Variants in WDR72 observed in about 807,000 individuals in gnomAD.
The protein encoded by WDR72 is WD repeat-containing protein 72.
Under a neutral mutation model 124.2 loss-of-function variants are expected in WDR72, and 120 were observed. The ratio of observed to expected loss-of-function variants is 0.97; its 90% CI spans 0.83 to 1.12. The LOEUF is 1.12. Among genes scored for constraint, WDR72 ranks in the 50% most tolerant of loss-of-function variants. The pLI is 0.00. For synonymous variants in WDR72, 452 were observed against 441.7 expected (o/e 1.02, Z -0.29); for missense variants, 1,387 against 1,278.8 (o/e 1.08, Z -1.29).
chr15:53,678,190 G>C (rs1324253565), intron 13 of WDR72, among the ~76,000 whole-genome samples: 2 of 152,242 alleles, frequency 1.3e-5, no homozygotes, highest in African/African-American at 2.4e-5. Context: ...TAAAAGATTA[G>C]GAACATCCCA....
intron 1 of WDR72, among the ~76,000 whole-genome samples, chr15:53,753,997 G>A (rs988543445): frequency 5.9e-5 from 9 of 152,090 alleles, no homozygotes; most frequent in Admixed American, 3.9e-4. Flanking sequence ...AATTCATAAT[G>A]ATGACATCAT....
At chr15:53,648,578 T>C (rs1567003681) in intron 14 of WDR72, among the ~76,000 whole-genome samples, 1 of 151,874 alleles carries the variant, frequency 6.6e-6, no homozygotes, top group African/African-American at 2.4e-5. Context: ...AAGGACAAAT[T>C]TTTTTTAAAA....
In WDR72 at chr15:53,707,009, C is replaced by A. The variant is rs557863008; in HGVS notation, c.955-935G>T. Among the ~76,000 whole-genome samples, 15 of 152,132 alleles carry A rather than the reference C, an allele frequency of 9.9e-5. No homozygotes were observed. In the South Asian group the frequency reaches 2.9e-3, roughly 30 times the overall value. ...CAGGGCAGTATAGCTGTTCTTCGGGCAGGTTTGTATATAGAGATTATGCAT... is the reference window on the plus strand; with the variant it reads ...CAGGGCAGTATAGCTGTTCTTCGGGAAGGTTTGTATATAGAGATTATGCAT... On this transcript the variant is annotated intron_variant, in intron 9 of 19. Coordinates refer to ENST00000360509, the MANE Select transcript of WDR72 (RefSeq NM_182758.4).
rs762467620 is a variant in WDR72 at position 53,665,595 on chromosome 15, G to A, written c.1939C>T (p.Leu647=). ...ACCTTACATGAAGACTCCACCTGCA[G>A]ACCAGGGCAAGGTAATGGCCCAAGC... is the stretch of plus-strand genomic sequence containing the variant. The part of the protein sequence containing the change: ...YQLGPLPCPG[L]QVESSCKVTD... Residue 647 remains leucine (L), a synonymous_variant, in exon 14 of 20, where the codon CTG becomes TTG. Transcript: ENST00000360509. The A allele has an allele frequency of 3.7e-6, 6 of 1,613,862 alleles. No homozygotes were observed. The highest frequency in any genetic ancestry group is 1.7e-4 in the Middle Eastern group (1 of 6,060).
chr15:53,612,216 G>C (rs1156961311), intron 16 of WDR72, among the ~76,000 whole-genome samples: 1 of 152,004 alleles, frequency 6.6e-6, no homozygotes, highest in East Asian at 1.9e-4. Flanking sequence ...AAAGTTATTT[G>C]CTAATTCCTT....
At chr15:53,688,942 C>A (rs2016741977) in intron 13 of WDR72, among the ~76,000 whole-genome samples, 1 of 152,104 alleles carries the variant, frequency 6.6e-6, no homozygotes, top group Non-Finnish European at 1.5e-5. Context: ...TTTGACAAAC[C>A]TGAGAAAAAC....
At chr15:53,612,611 G>A (rs1483081999) in intron 16 of WDR72, among the ~76,000 whole-genome samples, 1 of 152,020 alleles carries the variant, frequency 6.6e-6, no homozygotes, top group Non-Finnish European at 1.5e-5. Context: ...CAGGGGGTGA[G>A]CACTAAGAGA....
intron 16 of WDR72, among the ~76,000 whole-genome samples, chr15:53,609,928 T>C (rs2013467182): frequency 6.6e-6 from 1 of 152,088 alleles, no homozygotes; most frequent in East Asian, 1.9e-4. Flanking sequence ...AAATTCATTT[T>C]TACAGCTTCA....
chr15:53,673,569 C>A (rs2016065895), intron 13 of WDR72, among the ~76,000 whole-genome samples: 1 of 152,164 alleles, frequency 6.6e-6, no homozygotes, highest in Admixed American at 6.5e-5. Flanking sequence ...CCCAGACCAT[C>A]CAAAGCACAT....
intron 18 of WDR72, among the ~76,000 whole-genome samples, chr15:53,529,164 A>ATATATATATTTTTTTTTT (rs59003623): frequency 5.1e-5 from 4 of 78,154 alleles, no homozygotes; most frequent in African/African-American, 2.0e-4. Flanking sequence ...ATATATATAT[A>ATATATATATTTTTTTTTT]TTTTTTTTTT....
At chr15:53,625,248 T>C (rs913888967) in intron 14 of WDR72, among the ~76,000 whole-genome samples, 2 of 152,162 alleles carry the variant, frequency 1.3e-5, no homozygotes, top group African/African-American at 2.4e-5. Context: ...GAGGAGTAAA[T>C]ACAAATTTTA....
At chr15:53,612,024 C>A (rs1045331764) in intron 16 of WDR72, among the ~76,000 whole-genome samples, 4 of 152,062 alleles carry the variant, frequency 2.6e-5, no homozygotes, top group African/African-American at 9.7e-5. Flanking sequence ...TCCCATTTTA[C>A]AAATGTAGTA....
intron 13 of WDR72, among the ~76,000 whole-genome samples, chr15:53,691,760 T>A (rs1480075163): frequency 6.6e-6 from 1 of 152,202 alleles, no homozygotes; most frequent in Non-Finnish European, 1.5e-5. Flanking sequence ...GTATCTTCAT[T>A]ATTACCATGA....
At chr15:53,701,542 C>CTG (rs1414550435) in intron 12 of WDR72, among the ~76,000 whole-genome samples, 1 of 99,878 alleles carries the variant, frequency 1.0e-5, no homozygotes, top group Non-Finnish European at 2.5e-5. Context: ...CCCTGTCTCT[C>CTG]TCTCTCTCTC....
At chr15:53,656,881 T>A (rs1331933672) in intron 14 of WDR72, among the ~76,000 whole-genome samples, 1 of 152,088 alleles carries the variant, frequency 6.6e-6, no homozygotes, top group Non-Finnish European at 1.5e-5. Flanking sequence ...CAATAAATAA[T>A]AACCTCTTTA....
In WDR72 at chr15:53,615,521, C is replaced by T; in HGVS notation, c.2685G>A (p.Leu895=). 1 of 1,612,810 alleles carries T rather than the reference C, an allele frequency of 6.2e-7. No homozygotes were observed. Residue 895 remains leucine (L), a synonymous_variant, in exon 15 of 20, where the codon TTG becomes TTA. Transcript: ENST00000360509. ...PRGLENNCDS[L]RESDTIVYLL... is the part of the protein sequence containing the mutation. The stretch of plus-strand genomic sequence containing the variant: ...AATAAACTATAGTATCTGACTCTCG[C>T]AAAGAATCACAATTATTTTCCAATC...
chr15:53,600,697 G>C (rs1280921608), intron 17 of WDR72, among the ~76,000 whole-genome samples: 1 of 152,018 alleles, frequency 6.6e-6, no homozygotes, highest in Non-Finnish European at 1.5e-5. Context: ...TAGTTTTTTT[G>C]TCATAAAACA....
At position 53,744,985 on chromosome 15, in the gene WDR72, T is replaced by C. The variant is rs116936756; in HGVS notation, c.-12-11824A>G. On this transcript the variant is annotated intron_variant, in intron 1 of 19. Transcript: ENST00000360509. ...ATTCTGAGTTCATCATTAGGTTGTA[T>C]CCAGCATGCCACTATTTGTATTATT... Among the ~76,000 whole-genome samples, 9 of 151,286 alleles carry C rather than the reference T, an allele frequency of 5.9e-5. No homozygotes were observed. In the East Asian group the frequency reaches 1.7e-3, roughly 29 times the overall value.
chr15:53,563,840 C>T (rs1894206893), intron 18 of WDR72, among the ~76,000 whole-genome samples: 4 of 151,712 alleles, frequency 2.6e-5, no homozygotes, highest in South Asian at 4.1e-4. Context: ...CATCGGAGCT[C>T]GTCATCCATC....
Sources: allele counts gnomAD v4.1 joint callset (sites outside exome capture counted in the v4.1 genomes callset), GRCh38; gene constraint gnomAD v4.1.1; transcripts MANE v1.5; gene names NCBI Gene and HGNC (gene_info 2026-07-23, HGNC 2026-07-21).